The following CCDC170 variants were observed in gnomAD, a reference collection of about 807,000 sequenced individuals.
CCDC170 encodes coiled-coil domain containing 170, also known as coiled-coil domain-containing protein 170.
A neutral mutation model predicts 72.6 loss-of-function variants in CCDC170; 69 were observed. The observed-to-expected ratio is 0.95, with a 90% CI of 0.78 to 1.16. The LOEUF is 1.16. Ranked by LOEUF, CCDC170 falls within the 50% of genes most tolerant of loss-of-function variation. The pLI is 0.00. For missense variants in CCDC170, 852 were observed against 832.5 expected, an observed-to-expected ratio of 1.02 and a Z score of -0.29; for synonymous variants, 300 against 303.9, an observed-to-expected ratio of 0.99 and a Z score of 0.13.
chr6:151,520,281 C>A (rs1039156102), intron 1 of CCDC170, among the ~76,000 whole-genome samples: 2 of 152,208 alleles, frequency 1.3e-5, no homozygotes, highest in African/African-American at 4.8e-5. Flanking sequence ...GAGAGGAGAA[C>A]TGAAAGACAG....
At chr6:151,563,187 G>A (rs191854172) in intron 5 of CCDC170, among the ~76,000 whole-genome samples, 2 of 152,170 alleles carry the variant, frequency 1.3e-5, no homozygotes, top group East Asian at 1.9e-4. Flanking sequence ...AGCAGCATGG[G>A]GCTCACTTTC....
At chr6:151,548,615 A>G in intron 5 of CCDC170, 126 bp downstream of exon 5, 1 of 820,548 alleles carries the variant, frequency 1.2e-6, no homozygotes, top group Non-Finnish European at 1.8e-6. Context: ...CACAATTTTA[A>G]GAGCCTGCAC....
rs1475196367 is a variant in CCDC170, at chr6:151,551,369, G to A, written c.774+2880G>A. Among the ~76,000 whole-genome samples, 7 of 152,148 alleles carry A rather than the reference G, an allele frequency of 4.6e-5. No homozygotes were observed. The East Asian group carries it at 1.3e-3, about 29-fold the overall frequency. On this transcript the variant is annotated intron_variant, in intron 5 of 10. Transcript: ENST00000239374. ...GCTGCATCTGAAAGTTAACTATAATGCCGGATACCATCTGTGGTGGTTTTC... is the reference window on the plus strand; with the variant it reads ...GCTGCATCTGAAAGTTAACTATAATACCGGATACCATCTGTGGTGGTTTTC...
intron 1 of CCDC170, among the ~76,000 whole-genome samples, chr6:151,511,902 C>A (rs80347787): frequency 6.6e-6 from 1 of 152,046 alleles, no homozygotes; most frequent in African/African-American, 2.4e-5. Context: ...GACTGGACTG[C>A]GGTGGCACGA....
chr6:151,562,038 ATTACT>A (rs1776041410), intron 5 of CCDC170, among the ~76,000 whole-genome samples: 2 of 152,020 alleles, frequency 1.3e-5, no homozygotes, highest in Admixed American at 6.5e-5. Flanking sequence ...TTATTTTGAA[ATTACT>A]TTAGTGATTT....
At chr6:151,514,365 G>GAAGA (rs1455455597) in intron 1 of CCDC170, among the ~76,000 whole-genome samples, 36 of 116,378 alleles carry the variant, frequency 3.1e-4, no homozygotes, top group East Asian at 9.2e-4. Flanking sequence ...GGGAGGGAGG[G>GAAGA]AGGGAGGGAG....
chr6:151,611,191 C>A (rs958370085), intron 9 of CCDC170, among the ~76,000 whole-genome samples: 4 of 152,098 alleles, frequency 2.6e-5, no homozygotes, highest in African/African-American at 9.7e-5. Context: ...AGGGGAATCG[C>A]TTGAACCCGG....
intron 5 of CCDC170, among the ~76,000 whole-genome samples, chr6:151,551,124 CCAT>C (rs1782871812): frequency 6.6e-6 from 1 of 152,176 alleles, no homozygotes; most frequent in South Asian, 2.1e-4. Context: ...CACCCACCCA[CCAT>C]CCACCCAGAT....
At chr6:151,519,423 G>T (rs1014524915) in intron 1 of CCDC170, among the ~76,000 whole-genome samples, 1 of 152,036 alleles carries the variant, frequency 6.6e-6, no homozygotes. Context: ...CTGTTATTCC[G>T]TTCTTTTTCA....
chr6:151,595,212 G>A (rs995269357), intron 8 of CCDC170, among the ~76,000 whole-genome samples: 3 of 152,062 alleles, frequency 2.0e-5, no homozygotes, highest in African/African-American at 4.8e-5. Context: ...AGATGACAGA[G>A]GTTTCTGTAC....
intron 1 of CCDC170, among the ~76,000 whole-genome samples, chr6:151,503,174 T>TA (rs1254885833): frequency 1.6e-4 from 23 of 148,194 alleles, no homozygotes; most frequent in South Asian, 4.2e-4. Flanking sequence ...AGACTACATT[T>TA]AAAAAAAAAA....
chr6:151,534,596 C>T (rs1391579069), intron 1 of CCDC170, among the ~76,000 whole-genome samples: 1 of 152,084 alleles, frequency 6.6e-6, no homozygotes, highest in Non-Finnish European at 1.5e-5. Context: ...GGATGTGGTT[C>T]TCTAATAAGA....
chr6:151,558,236 T>C (rs1050344038), intron 5 of CCDC170, among the ~76,000 whole-genome samples: 2 of 145,504 alleles, frequency 1.4e-5, no homozygotes, highest in African/African-American at 5.0e-5. Context: ...ATTAGTGTTT[T>C]TTTTTTTTTT....
In CCDC170 at chr6:151,521,458, G is replaced by A. The variant is rs564824545; in HGVS notation, c.58-14860G>A. Among the ~76,000 whole-genome samples the A allele has an allele frequency of 9.8e-5, 15 of 152,294 alleles. No homozygotes were observed. In the South Asian group the frequency reaches 1.0e-3, roughly 11 times the overall value. ...TTGTCTCATTGCAAGTATCAGAGGC[G>A]TTCAAATCAGAGTAACTCCATCTTG... On this transcript the variant is annotated intron_variant, in intron 1 of 10. Coordinates refer to ENST00000239374, the MANE Select transcript of CCDC170 (RefSeq NM_025059.4).
At chr6:151,536,739 C>T (rs979147188) in intron 2 of CCDC170, among the ~76,000 whole-genome samples, 2 of 126,602 alleles carry the variant, frequency 1.6e-5, no homozygotes, top group African/African-American at 6.1e-5. Flanking sequence ...CACAGTACTG[C>T]ACTCCAGCCT....
At chr6:151,591,857 ATGT>A (rs113493397) in intron 7 of CCDC170, among the ~76,000 whole-genome samples, 18 of 152,162 alleles carry the variant, frequency 1.2e-4, no homozygotes, top group Admixed American at 1.3e-4. Context: ...AGACCCCAAA[ATGT>A]TGTTCGAAAT....
At chr6:151,507,960 A>G (rs1782089050) in intron 1 of CCDC170, among the ~76,000 whole-genome samples, 1 of 151,994 alleles carries the variant, frequency 6.6e-6, no homozygotes, top group Non-Finnish European at 1.5e-5. Flanking sequence ...ATTGATAAAT[A>G]TTAATAATAG....
chr6:151,504,308 A>C (rs1448996502), intron 1 of CCDC170, among the ~76,000 whole-genome samples: 4 of 152,236 alleles, frequency 2.6e-5, no homozygotes, highest in East Asian at 3.8e-4. Context: ...AATGAAAAAA[A>C]AATTATGTGC....
At chr6:151,566,759 T>C (rs1226239368) in intron 5 of CCDC170, among the ~76,000 whole-genome samples, 1 of 152,192 alleles carries the variant, frequency 6.6e-6, no homozygotes, top group Non-Finnish European at 1.5e-5. Flanking sequence ...AGTTTTATTA[T>C]GACTAAAATT....
Sources: allele counts gnomAD v4.1 joint callset (sites outside exome capture counted in the v4.1 genomes callset), GRCh38; gene constraint gnomAD v4.1.1; transcripts MANE v1.5; gene names NCBI Gene and HGNC (gene_info 2026-07-23, HGNC 2026-07-21).